The following B3GALNT2 variants were observed in gnomAD, a reference collection of about 807,000 sequenced individuals.
B3GALNT2 encodes the protein UDP-GalNAc:beta-1,3-N-acetylgalactosaminyltransferase 2.
Under a neutral mutation model 61.1 loss-of-function variants are expected in B3GALNT2, and 53 were observed. The ratio of observed to expected loss-of-function variants is 0.87; its 90% CI spans 0.70 to 1.09. The LOEUF (loss-of-function observed/expected upper bound fraction) is 1.09. Among genes scored for constraint, B3GALNT2 ranks in the 50% least tolerant of loss-of-function variants. The pLI is 0.00. For synonymous variants in B3GALNT2, 223 were observed against 237.4 expected (o/e 0.94, Z 0.56); for missense variants, 544 against 623.0 (o/e 0.87, Z 1.35).
intron 7 of B3GALNT2, among the ~76,000 whole-genome samples, chr1:235,459,097 G>C (rs1051041653): frequency 1.7e-4 from 25 of 151,142 alleles, no homozygotes; most frequent in Admixed American, 7.3e-4. Flanking sequence ...TTACAGCATT[G>C]TTTGTAATTG....
intron 1 of B3GALNT2, 148 bp downstream of exon 1, chr1:235,503,993 A>T: frequency 1.1e-6 from 1 of 902,814 alleles, no homozygotes; most frequent in Non-Finnish European, 1.4e-6. Context: ...TAACGCTCCA[A>T]GGATGAAAAG....
intron 5 of B3GALNT2, 78 bp downstream of exon 5, chr1:235,479,976 G>A (rs888261689): frequency 1.3e-6 from 2 of 1,564,608 alleles, no homozygotes; most frequent in Middle Eastern, 1.7e-4. Context: ...AAAATATCAA[G>A]TGCCTGCCCC....
At chr1:235,495,377 C>T (rs771267410) in intron 1 of B3GALNT2, among the ~76,000 whole-genome samples, 2 of 152,038 alleles carry the variant, frequency 1.3e-5, no homozygotes, top group Non-Finnish European at 2.9e-5. Context: ...AAAGTGAGGT[C>T]CTACATTAAT....
At chr1:235,458,025 G>T (rs961211469) in intron 8 of B3GALNT2, among the ~76,000 whole-genome samples, 9 of 151,344 alleles carry the variant, frequency 5.9e-5, no homozygotes, top group African/African-American at 1.9e-4. Flanking sequence ...TCATGCCTCA[G>T]CCCCCCTGAG....
intron 11 of B3GALNT2, chr1:235,451,892 T>C (rs947792200): frequency 2.0e-5 from 3 of 152,252 alleles, no homozygotes; most frequent in African/African-American, 7.2e-5. Flanking sequence ...ATTCATTTTT[T>C]TTTCTGGTTC....
rs551940262 is a variant in B3GALNT2, at chr1:235,448,549, C to CTGTT, written c.*1653_*1656dup. 271 of 1,387,150 alleles carry CTGTT rather than the reference C, an allele frequency of 2.0e-4. 3 individuals are homozygous for CTGTT. The highest frequency in any genetic ancestry group is 7.3e-4 in the South Asian group (63 of 86,360). 85.9% of individuals were successfully genotyped at this position (1,387,150 alleles called of 1,614,324 possible). A position where few individuals can be genotyped will look rare whatever the true frequency, so the allele number is the denominator to read the frequency against. The stretch of plus-strand genomic sequence containing the variant: ...TTGATTCTAAATGGAGACCATGGGT[C>CTGTT]TGTTTGTTTGATTTTAAGGGTAAGC... On this transcript the variant is annotated 3_prime_UTR_variant, in exon 12 of 12. Transcript: ENST00000366600.
chr1:235,439,928 A>G, the B3GALNT2 span, among the ~76,000 whole-genome samples: 1 of 152,020 alleles, frequency 6.6e-6, no homozygotes, highest in Admixed American at 6.6e-5. Context: ...CAGCTTCCAG[A>G]GTAGCTGGGA....
At chr1:235,491,194 G>C (rs1247287042) in intron 2 of B3GALNT2, among the ~76,000 whole-genome samples, 1 of 151,820 alleles carries the variant, frequency 6.6e-6, no homozygotes, top group Non-Finnish European at 1.5e-5. Flanking sequence ...ACATATCTTA[G>C]TTGTCACTTT....
At position 235,473,526 on chromosome 1, in the gene B3GALNT2, G is replaced by A. The variant is rs546366372; in HGVS notation, c.652-2566C>T. ...AAAAATACAGGCGATGAGAACAGAT[G>A]GGATGGAGACAATGTTACCATTAGA... On this transcript the variant is annotated intron_variant, in intron 5 of 11. Transcript: ENST00000366600. Among the ~76,000 whole-genome samples, 12 of 152,274 alleles carry A rather than the reference G, an allele frequency of 7.9e-5. No individual in the cohort carries two copies. In the East Asian group the frequency reaches 2.3e-3, roughly 29 times the overall value.
the B3GALNT2 span, among the ~76,000 whole-genome samples, chr1:235,439,993 C>T: frequency 8.6e-5 from 13 of 151,472 alleles, no homozygotes; most frequent in South Asian, 6.3e-4. Flanking sequence ...TTTTTTGAGA[C>T]GGAGCCTCGC....
Position 235,448,934 on chromosome 1 carries a change from C to CATAATAGCAATAATAAA in B3GALNT2, c.*1255_*1271dup. On this transcript the variant is annotated 3_prime_UTR_variant, in exon 12 of 12. Transcript: ENST00000366600. ...GGAAGTGACCATTTCTAGGCTTATACATAATAGCAATAATAAAGGCTTTGA... is the reference window on the plus strand; with the variant it reads ...GGAAGTGACCATTTCTAGGCTTATACATAATAGCAATAATAAAATAATAGCAATAATAAAGGCTTTGA... 3.4e-6 allele frequency: 2 copies of CATAATAGCAATAATAAA among 589,128 alleles called. No individual in the cohort carries two copies. The highest frequency in any genetic ancestry group is 6.1e-6 in the Non-Finnish European group (2 of 326,842). The allele number at this position is 589,128 out of a possible 1,614,324, so 36.5% of individuals were successfully genotyped here.
chr1:235,481,231 G>C (rs1363122862), intron 4 of B3GALNT2, among the ~76,000 whole-genome samples: 3 of 152,106 alleles, frequency 2.0e-5, no homozygotes, highest in African/African-American at 7.2e-5. Context: ...CTTCCTTGAG[G>C]ACAAAGATTA....
chr1:235,494,100 C>T (rs1558440866), intron 2 of B3GALNT2, among the ~76,000 whole-genome samples: 2 of 152,118 alleles, frequency 1.3e-5, no homozygotes, highest in African/African-American at 2.4e-5. Context: ...CTGCAGATTA[C>T]ACAACTAAAA....
At chr1:235,477,565 G>A (rs1684344980) in intron 5 of B3GALNT2, among the ~76,000 whole-genome samples, 1 of 132,812 alleles carries the variant, frequency 7.5e-6, no homozygotes, top group South Asian at 2.5e-4. Flanking sequence ...TTGGAATACA[G>A]TTTCTCAACC....
rs1255429536 is a variant in B3GALNT2, at chr1:235,465,709, C to A, written c.768G>T (p.Gly256=). 1 of 1,613,946 alleles carries A rather than the reference C, an allele frequency of 6.2e-7. No homozygotes were observed. The change falls in exon 7 of 12, where the codon GGG becomes GGT. Residue 256 remains glycine (G), a synonymous_variant. Transcript: ENST00000366600. ...GGGVLRVITA[G]EGALPHEFLE... Reference sequence around the variant, plus strand: ...AGAATTCATGAGGCAATGCACCCTCCCCAGCCTGAAAGGAATAAGAATGTA... The same window carrying A: ...AGAATTCATGAGGCAATGCACCCTCACCAGCCTGAAAGGAATAAGAATGTA...
intron 5 of B3GALNT2, chr1:235,479,233 G>T (rs1379256427): frequency 6.6e-6 from 1 of 152,236 alleles, no homozygotes; most frequent in Non-Finnish European, 1.5e-5. Flanking sequence ...ACCAGGGCCG[G>T]TCAGTTGTCT....
chr1:235,449,357 T>TTAGGTAAACATTA lies in B3GALNT2; in HGVS notation c.*836_*848dup, dbSNP rs1682752007. On this transcript the variant is annotated 3_prime_UTR_variant, in exon 12 of 12. Coordinates refer to ENST00000366600, the MANE Select transcript of B3GALNT2 (RefSeq NM_152490.5). ...CAGCTTTGATTGAAATGTACTCATA[T>TTAGGTAAACATTA]TAGGTAAACATTAGGCAATGATAGG... is the stretch of plus-strand genomic sequence containing the variant. 6.5e-6 allele frequency: 1 copy of TTAGGTAAACATTA among 154,482 alleles called. No individual in the cohort carries two copies. The highest frequency in any genetic ancestry group is 6.4e-5 in the Admixed American group (1 of 15,686). 9.6% of individuals were successfully genotyped at this position (154,482 alleles called of 1,614,324 possible). A position where few individuals can be genotyped will look rare whatever the true frequency, so the allele number is the denominator to read the frequency against.
Position 235,480,072 on chromosome 1 carries a change from T to C in B3GALNT2, c.633A>G (p.Glu211=), listed in dbSNP as rs746548557. ...QVNKLWYKPV[E]QFILPESFEG... ...CCTGTACCTCTGGTAAGATGAATTG[T>C]TCCACGGGCTTGTACCACAGCTTGT... The change falls in exon 5 of 12, where the codon GAA becomes GAG. Residue 211 remains glutamate (E), a synonymous_variant. Transcript: ENST00000366600. 49 of 1,613,814 alleles carry C rather than the reference T, an allele frequency of 3.0e-5. No homozygotes were observed. The South Asian group carries it at 5.2e-4, about 17-fold the overall frequency.
At chr1:235,481,681 C>T (rs1287717034) in intron 4 of B3GALNT2, among the ~76,000 whole-genome samples, 1 of 151,860 alleles carries the variant, frequency 6.6e-6, no homozygotes, top group Non-Finnish European at 1.5e-5. Context: ...CTAAGATAAA[C>T]AAGTGTATCA....
Sources: gnomAD v4.1 joint callset for allele counts (sites outside exome capture counted in the v4.1 genomes callset) on GRCh38, gnomAD v4.1.1 for gene constraint, MANE v1.5 for transcripts, NCBI Gene and HGNC (gene_info 2026-07-23, HGNC 2026-07-21) for gene names.